Variants in SMYD3 observed in about 807,000 individuals in gnomAD.
SMYD3 encodes the protein histone-lysine N-methyltransferase SMYD3.
SMYD3 carries 36 observed loss-of-function variants against 57.7 expected under a neutral mutation model. That is an observed-to-expected ratio of 0.62 (90% CI 0.48 to 0.82). The LOEUF is 0.82. Among genes scored for constraint, SMYD3 ranks in the 40% least tolerant of loss-of-function variants. The probability of loss-of-function intolerance (pLI) is 0.00; values close to 1 mark genes in which losing one functional copy is unlikely to be tolerated. For missense variants in SMYD3, 515 were observed against 538.8 expected, an observed-to-expected ratio of 0.96 and a Z score of 0.44; for synonymous variants, 211 against 195.0, an observed-to-expected ratio of 1.08 and a Z score of -0.68.
chr1:246,392,267 C>T (rs999564232), intron 1 of SMYD3, among the ~76,000 whole-genome samples: 1 of 152,048 alleles, frequency 6.6e-6, no homozygotes, highest in African/African-American at 2.4e-5. Flanking sequence ...AGATTTTTTT[C>T]ACAACTCATA....
chr1:245,840,865 C>CT lies in SMYD3; in HGVS notation c.1076+17630dup, dbSNP rs879434997. Among the ~76,000 whole-genome samples, 506 of 151,434 alleles carry CT rather than the reference C, an allele frequency of 3.3e-3. 2 individuals are homozygous for CT. Among genetic ancestry groups the CT allele is most frequent in the African/African-American group, 0.012 (482 of 41,316 alleles). On this transcript the variant is annotated intron_variant, in intron 10 of 11. Coordinates refer to ENST00000490107, the MANE Select transcript of SMYD3 (RefSeq NM_001167740.2). ...TTTAAAAATGAGATATAAGGCCAAA[C>CT]TTTTTTTTTCAACTAATTAACGGGA...
chr1:245,759,751 T>A (rs930758184), intron 11 of SMYD3, among the ~76,000 whole-genome samples: 1 of 152,052 alleles, frequency 6.6e-6, no homozygotes, highest in African/African-American at 2.4e-5. Flanking sequence ...AAAATTGTAA[T>A]ACAAAAAGTT....
intron 10 of SMYD3, among the ~76,000 whole-genome samples, chr1:245,781,299 A>T (rs530192108): frequency 6.6e-6 from 1 of 152,240 alleles, no homozygotes; most frequent in Non-Finnish European, 1.5e-5. Flanking sequence ...AGATACTATT[A>T]TTGTTGCCAT....
At position 246,345,439 on chromosome 1, in the gene SMYD3, GA is replaced by G. The variant is rs111801411; in HGVS notation, c.228+9591del. Among the ~76,000 whole-genome samples, 762 of 152,144 alleles carry G rather than the reference GA, an allele frequency of 5.0e-3. 5 individuals are homozygous for G. The highest frequency in any genetic ancestry group is 0.017 in the African/African-American group (724 of 41,482). ...AGTATGCCTTATTTGAAATACCTGG[GA>G]CCAGAAGTGCTTCAGGTTTTGGATT... is the stretch of plus-strand genomic sequence containing the variant. On this transcript the variant is annotated intron_variant, in intron 2 of 11. Transcript: ENST00000490107.
chr1:246,238,682 T>C (rs2063550185), intron 5 of SMYD3, among the ~76,000 whole-genome samples: 2 of 152,176 alleles, frequency 1.3e-5, no homozygotes, highest in South Asian at 4.1e-4. Context: ...AATTCTTTCT[T>C]ACATCTCAGA....
chr1:246,375,860 G>C (rs1397719683), intron 1 of SMYD3, among the ~76,000 whole-genome samples: 1 of 152,034 alleles, frequency 6.6e-6, no homozygotes, highest in African/African-American at 2.4e-5. Context: ...CTCCCAAGTA[G>C]CTGGGATTAC....
Position 246,166,308 on chromosome 1 carries a change from C to T in SMYD3, c.531+160893G>A, listed in dbSNP as rs547142295. On this transcript the variant is annotated intron_variant, in intron 5 of 11. Transcript: ENST00000490107. ...TCACAGTCCTAAAGAAAAAAAGGTA[C>T]ATGTTTGTATAGGGTTCTTTCAGAT... Among the ~76,000 whole-genome samples the T allele has an allele frequency of 1.7e-4, 26 of 152,230 alleles. 1 individual carries two copies. In the South Asian group the frequency reaches 5.4e-3, roughly 32 times the overall value.
chr1:245,817,866 G>C (rs1308515879), intron 10 of SMYD3, among the ~76,000 whole-genome samples: 8 of 152,038 alleles, frequency 5.3e-5, no homozygotes, highest in Non-Finnish European at 2.9e-5. Flanking sequence ...AAAAAGAAAT[G>C]AGCAACGCCT....
At chr1:246,158,735 A>G (rs2062065791) in intron 5 of SMYD3, among the ~76,000 whole-genome samples, 1 of 152,184 alleles carries the variant, frequency 6.6e-6, no homozygotes, top group African/African-American at 2.4e-5. Context: ...AACACCATGA[A>G]TTCCACCTTA....
intron 1 of SMYD3, among the ~76,000 whole-genome samples, chr1:246,434,236 G>A (rs559131321): frequency 6.6e-6 from 1 of 152,284 alleles, no homozygotes; most frequent in South Asian, 2.1e-4. Context: ...AGAAAAGAAT[G>A]TGTGACTAAG....
chr1:246,341,308 GTTAA>G (rs1350078947), intron 2 of SMYD3, among the ~76,000 whole-genome samples: 2 of 152,136 alleles, frequency 1.3e-5, no homozygotes, highest in Non-Finnish European at 2.9e-5. Context: ...ATTTAAATGT[GTTAA>G]TTTTTAAATG....
At position 245,852,892 on chromosome 1, in the gene SMYD3, G is replaced by A. The variant is rs191288802; in HGVS notation, c.1076+5604C>T. ...ACAAAATGGACAGCAAACAGAAAGA[G>A]GCCCTGATTAGGCATGCCAGATAAT... On this transcript the variant is annotated intron_variant, in intron 10 of 11. Coordinates refer to ENST00000490107, the MANE Select transcript of SMYD3 (RefSeq NM_001167740.2). 3.9e-4 allele frequency among the ~76,000 whole-genome samples: 59 copies of A among 152,248 alleles called. 2 individuals are homozygous for A. The South Asian group carries it at 5.8e-3, about 15-fold the overall frequency.
rs964683759 is a variant in SMYD3 at position 246,507,223 on chromosome 1, C to A, written c.-6G>T. On this transcript the variant is annotated 5_prime_UTR_variant, in exon 1 of 12. Transcript: ENST00000490107. ...TCCACCTTCAGCGGCTCCATCCTCC[C>A]GCAGCTCCGGCACCTCAGACGGCTA... The A allele has an allele frequency of 4.6e-6, 7 of 1,514,214 alleles. No homozygotes were observed. The highest frequency in any genetic ancestry group is 1.7e-4 in the Middle Eastern group (1 of 5,864). 93.8% of individuals were successfully genotyped at this position (1,514,214 alleles called of 1,614,324 possible).
intron 5 of SMYD3, among the ~76,000 whole-genome samples, chr1:245,949,042 C>T (rs1012887533): frequency 6.6e-6 from 1 of 152,224 alleles, no homozygotes; most frequent in Non-Finnish European, 1.5e-5. Flanking sequence ...CAACTGCAGG[C>T]CTAAGGACCG....
chr1:246,290,660 G>C (rs1219154420), intron 5 of SMYD3, among the ~76,000 whole-genome samples: 1 of 152,092 alleles, frequency 6.6e-6, no homozygotes, highest in Non-Finnish European at 1.5e-5. Context: ...CAACTAGCAA[G>C]GCAGAAGGAA....
At chr1:245,863,759 A>G in intron 9 of SMYD3, 40 bp downstream of exon 9, 1 of 1,582,242 alleles carries the variant, frequency 6.3e-7, no homozygotes, top group East Asian at 2.2e-5. Context: ...ACAAGGAAAC[A>G]ATCCCAACAG....
chr1:246,428,361 T>C (rs2067250471), intron 1 of SMYD3, among the ~76,000 whole-genome samples: 1 of 151,960 alleles, frequency 6.6e-6, no homozygotes, highest in Admixed American at 6.6e-5. Context: ...CAGTTGCAAA[T>C]AACAAAAAAA....
intron 5 of SMYD3, among the ~76,000 whole-genome samples, chr1:246,307,952 G>A (rs530232034): frequency 6.6e-6 from 1 of 152,218 alleles, no homozygotes; most frequent in African/African-American, 2.4e-5. Flanking sequence ...ATTTGCAATG[G>A]TGACTGTTAA....
At chr1:246,017,133 G>T (rs948180005) in intron 5 of SMYD3, among the ~76,000 whole-genome samples, 1 of 152,090 alleles carries the variant, frequency 6.6e-6, no homozygotes, top group Non-Finnish European at 1.5e-5. Context: ...AAGGTATGAG[G>T]CCATCAGCAC....
Sources: allele counts gnomAD v4.1 joint callset (sites outside exome capture counted in the v4.1 genomes callset), GRCh38; gene constraint gnomAD v4.1.1; transcripts MANE v1.5; gene names NCBI Gene and HGNC (gene_info 2026-07-23, HGNC 2026-07-21).